The following LCORL variants were observed in gnomAD, a reference collection of about 807,000 sequenced individuals.
LCORL encodes the protein ligand-dependent nuclear receptor corepressor-like protein.
LCORL carries 41 observed loss-of-function variants against 141.8 expected under a neutral mutation model. The observed-to-expected ratio is 0.29, with a 90% CI of 0.23 to 0.38. The LOEUF is 0.38. Among genes scored for constraint, LCORL ranks in the 10% least tolerant of loss-of-function variants. The probability of loss-of-function intolerance (pLI) is 1.00; values close to 1 mark genes in which losing one functional copy is unlikely to be tolerated. For synonymous variants in LCORL, 618 were observed against 694.1 expected, an observed-to-expected ratio of 0.89 and a Z score of 1.72; for missense variants, 1,759 against 2,035.0, an observed-to-expected ratio of 0.86 and a Z score of 2.61.
At chr4:17,946,300 T>G (rs1489105563) in intron 4 of LCORL, among the ~76,000 whole-genome samples, 3 of 152,046 alleles carry the variant, frequency 2.0e-5, no homozygotes, top group Non-Finnish European at 4.4e-5. Context: ...ACTGTATTAC[T>G]GTATATGGTA....
chr4:17,961,302 A>G (rs1007991417), intron 4 of LCORL, among the ~76,000 whole-genome samples: 1 of 152,082 alleles, frequency 6.6e-6, no homozygotes, highest in Non-Finnish European at 1.5e-5. Context: ...ACTAAAATAT[A>G]AAAACTACTA....
intron 1 of LCORL, among the ~76,000 whole-genome samples, chr4:17,995,351 A>C (rs1462068539): frequency 4.6e-5 from 7 of 152,232 alleles, no homozygotes; most frequent in East Asian, 1.9e-4. Context: ...TCCCAAACAC[A>C]AACATATAAA....
intron 7 of LCORL, among the ~76,000 whole-genome samples, chr4:17,863,212 A>G (rs1030137875): frequency 6.6e-6 from 1 of 152,314 alleles, no homozygotes; most frequent in Admixed American, 6.5e-5. Flanking sequence ...GCTACTTGGG[A>G]GACTGAGGCA....
chr4:17,846,891 T>C (rs143666557), intron 7 of LCORL, among the ~76,000 whole-genome samples: 131 of 152,322 alleles, frequency 8.6e-4, no homozygotes, highest in African/African-American at 3.1e-3. Flanking sequence ...TATTGTTTCA[T>C]GTCTAATAGT....
At chr4:17,864,461 C>T (rs1725398336) in intron 7 of LCORL, among the ~76,000 whole-genome samples, 1 of 152,138 alleles carries the variant, frequency 6.6e-6, no homozygotes, top group Admixed American at 6.6e-5. Context: ...AGTGACCTTC[C>T]ACAGTGGTGG....
chr4:17,977,496 T>C (rs1427466508), intron 1 of LCORL, among the ~76,000 whole-genome samples: 3 of 152,336 alleles, frequency 2.0e-5, no homozygotes, highest in East Asian at 1.9e-4. Context: ...AATGTCTTCA[T>C]GTCTCCACGT....
chr4:17,963,954 T>G (rs1014549162), intron 2 of LCORL, among the ~76,000 whole-genome samples: 2 of 152,092 alleles, frequency 1.3e-5, no homozygotes, highest in African/African-American at 4.8e-5. Flanking sequence ...AAATACATGA[T>G]GAAGTTGAAT....
intron 5 of LCORL, among the ~76,000 whole-genome samples, chr4:17,898,006 G>A (rs1375601269): frequency 2.6e-5 from 4 of 152,104 alleles, no homozygotes; most frequent in Non-Finnish European, 5.9e-5. Flanking sequence ...TTTGCACTGC[G>A]TTTCCAATCC....
chr4:18,014,955 T>A (rs1211899855), intron 1 of LCORL, among the ~76,000 whole-genome samples: 2 of 152,210 alleles, frequency 1.3e-5, no homozygotes, highest in South Asian at 2.1e-4. Flanking sequence ...TGCTCTGTTA[T>A]CTATCAGCCA....
At chr4:18,002,209 A>C (rs1722088141) in intron 1 of LCORL, among the ~76,000 whole-genome samples, 2 of 152,212 alleles carry the variant, frequency 1.3e-5, no homozygotes, top group African/African-American at 4.8e-5. Flanking sequence ...TACAAGATTG[A>C]AAAACAATGA....
At chr4:17,960,314 G>C (rs974803855) in intron 4 of LCORL, 2 of 154,248 alleles carry the variant, frequency 1.3e-5, no homozygotes, top group Admixed American at 6.6e-5. Context: ...TGAATCAGCT[G>C]AAATAGTACC....
At chr4:17,878,753 G>A (rs1328111127) in intron 6 of LCORL, among the ~76,000 whole-genome samples, 3 of 151,166 alleles carry the variant, frequency 2.0e-5, no homozygotes, top group Non-Finnish European at 4.5e-5. Flanking sequence ...CTAAGATTAA[G>A]CTGCAGGCGT....
rs1724425255 is a variant in LCORL at position 17,856,923 on chromosome 4, T to A, written c.5603-11022A>T. 1.3e-4 allele frequency among the ~76,000 whole-genome samples: 20 copies of A among 152,232 alleles called. 1 individual carries two copies. The highest frequency in any genetic ancestry group is 1.3e-3 in the Admixed American group (20 of 15,282). On this transcript the variant is annotated intron_variant, in intron 7 of 7. Transcript: ENST00000635767. Reference sequence around the variant, plus strand: ...TCATTAACACAATTTATCACTGCTTTGTTTTCTATGTTTGTTTTTCTCTCT... The same window carrying A: ...TCATTAACACAATTTATCACTGCTTAGTTTTCTATGTTTGTTTTTCTCTCT...
intron 7 of LCORL, among the ~76,000 whole-genome samples, chr4:17,847,395 G>T (rs1577229195): frequency 6.6e-6 from 1 of 152,108 alleles, no homozygotes; most frequent in African/African-American, 2.4e-5. Context: ...CAACTCATAT[G>T]CCATTCAATA....
intron 5 of LCORL, among the ~76,000 whole-genome samples, chr4:17,903,936 G>T (rs566863942): frequency 6.6e-6 from 1 of 151,966 alleles, no homozygotes; most frequent in South Asian, 2.1e-4. Flanking sequence ...TATTGTTGCA[G>T]AAAGAAAAAC....
chr4:17,952,284 T>C (rs1711527288), intron 4 of LCORL, among the ~76,000 whole-genome samples: 1 of 152,136 alleles, frequency 6.6e-6, no homozygotes, highest in African/African-American at 2.4e-5. Flanking sequence ...CAGGTCTGCA[T>C]TCTCACCTAC....
At chr4:17,983,630 G>A (rs1156496184) in intron 1 of LCORL, among the ~76,000 whole-genome samples, 2 of 152,116 alleles carry the variant, frequency 1.3e-5, no homozygotes, top group Non-Finnish European at 2.9e-5. Flanking sequence ...CTGAAATTTT[G>A]CTGAAGTTGT....
chr4:18,007,624 A>G (rs1723030123), intron 1 of LCORL, among the ~76,000 whole-genome samples: 2 of 152,182 alleles, frequency 1.3e-5, no homozygotes, highest in Admixed American at 6.5e-5. Flanking sequence ...ATAATTACTG[A>G]AAAAAATTAT....
chr4:17,972,849 C>T (rs147852851), exon 2 of LCORL: 11 of 1,436,498 alleles, frequency 7.7e-6, no homozygotes, highest in East Asian at 2.7e-5. Context: ...TCTTCGTAGC[C>T]GTGGTCCATA....
Sources: allele counts gnomAD v4.1 joint callset (sites outside exome capture counted in the v4.1 genomes callset), GRCh38; gene constraint gnomAD v4.1.1; transcripts MANE v1.5; gene names NCBI Gene and HGNC (gene_info 2026-07-23, HGNC 2026-07-21).